Variants in CFAP57 observed in about 807,000 individuals in gnomAD.
CFAP57 encodes the protein cilia and flagella associated protein 57, also known as cilia- and flagella-associated protein 57.
A neutral mutation model predicts 146.8 loss-of-function variants in CFAP57; 116 were observed. That is an observed-to-expected ratio of 0.79 (90% CI 0.68 to 0.92). The LOEUF is 0.92. Ranked by LOEUF, CFAP57 falls within the 40% of genes least tolerant of loss-of-function variation. CFAP57 has a pLI of 0.00. For missense variants in CFAP57, 1,377 were observed against 1,527.2 expected (o/e 0.90, Z 1.64); for synonymous variants, 518 against 552.8 (o/e 0.94, Z 0.88).
intron 6 of CFAP57, among the ~76,000 whole-genome samples, chr1:43,196,117 G>A (rs1015754209): frequency 6.6e-6 from 1 of 152,212 alleles, no homozygotes; most frequent in Non-Finnish European, 1.5e-5. Context: ...ATATGGTAGA[G>A]TTACCAGACA....
At chr1:43,199,271 C>T (rs1644006427) in intron 8 of CFAP57, 119 bp from the exon 9 acceptor site, 4 of 931,950 alleles carry the variant, frequency 4.3e-6, no homozygotes, top group Non-Finnish European at 7.1e-6. Flanking sequence ...CTTCCCCCCA[C>T]TCCCACCCTC....
At position 43,200,284 on chromosome 1, in the gene CFAP57, G is replaced by A. The variant is rs948634557; in HGVS notation, c.1542+781G>A. Among the ~76,000 whole-genome samples the A allele has an allele frequency of 7.2e-5, 11 of 151,984 alleles. No individual in the cohort carries two copies. The East Asian group carries it at 9.7e-4, about 13-fold the overall frequency. On this transcript the variant is annotated intron_variant, in intron 9 of 22. Transcript: ENST00000372492. ...GAGGATCGCTTGCACTCAGGAGTTC[G>A]AGACTAGCCTGGGCAACATAAGGAG... is the stretch of plus-strand genomic sequence containing the variant.
intron 18 of CFAP57, among the ~76,000 whole-genome samples, chr1:43,229,795 T>C (rs1449596091): frequency 7.8e-6 from 1 of 128,514 alleles, no homozygotes; most frequent in East Asian, 2.9e-4. Flanking sequence ...GTAGGATGTT[T>C]AGCAGCGTCC....
chr1:43,237,738 G>A (rs748944481), intron 21 of CFAP57, among the ~76,000 whole-genome samples: 1 of 152,198 alleles, frequency 6.6e-6, no homozygotes, highest in Non-Finnish European at 1.5e-5. Flanking sequence ...AAGAGTCCAC[G>A]AGAAGAGAGT....
chr1:43,188,595 C>G (rs9803810), intron 6 of CFAP57, among the ~76,000 whole-genome samples: 4 of 151,834 alleles, frequency 2.6e-5, no homozygotes, highest in South Asian at 2.1e-4. Context: ...GATTTTTTGC[C>G]CATTTAAAAA....
intron 9 of CFAP57, among the ~76,000 whole-genome samples, chr1:43,205,708 T>TCTGG (rs1644330363): frequency 6.6e-6 from 1 of 152,052 alleles, no homozygotes; most frequent in South Asian, 2.1e-4. Flanking sequence ...GAATAGAGCT[T>TCTGG]CTGCAACATG....
In CFAP57 at chr1:43,186,774, T is replaced by G; in HGVS notation, c.1037T>G (p.Phe346Cys). Residue 346 changes from phenylalanine to cysteine, a missense_variant, in exon 6 of 23, where the codon TTC (phenylalanine) becomes TGC (cysteine). Phe to Cys is a radical substitution (Grantham distance 205). Transcript: ENST00000372492. ...SDKQDVLCLC[F>C]SPSEETLVAS... Reference sequence around the variant, plus strand: ...AAACAGGACGTTCTCTGCCTGTGCTTCAGCCCCTCAGAGGAAACTCTGGTT... The same window carrying G: ...AAACAGGACGTTCTCTGCCTGTGCTGCAGCCCCTCAGAGGAAACTCTGGTT... 6.2e-7 allele frequency: 1 copy of G among 1,614,190 alleles called. No individual in the cohort carries two copies. Among genetic ancestry groups the G allele is most frequent in the Non-Finnish European group, 8.5e-7 (1 of 1,180,040 alleles).
chr1:43,180,260 A>G (rs1051929547), intron 2 of CFAP57, among the ~76,000 whole-genome samples: 1 of 146,890 alleles, frequency 6.8e-6, no homozygotes, highest in African/African-American at 2.5e-5. Flanking sequence ...ACACACATAT[A>G]TTATTTAAAA....
chr1:43,245,787 G>A (rs1432103740), intron 22 of CFAP57, among the ~76,000 whole-genome samples: 2 of 152,110 alleles, frequency 1.3e-5, no homozygotes, highest in Non-Finnish European at 2.9e-5. Context: ...GAACACCAGA[G>A]TATGAGGAAA....
Position 43,226,897 on chromosome 1 carries a change from A to G in CFAP57, c.2866-86A>G, listed in dbSNP as rs1009599549. 7 of 1,388,234 alleles carry G rather than the reference A, an allele frequency of 5.0e-6. No individual in the cohort carries two copies. The African/African-American group carries it at 8.8e-5, about 17-fold the overall frequency. 86.0% of individuals were successfully genotyped at this position (1,388,234 alleles called of 1,614,324 possible). On this transcript the variant is annotated intron_variant, in intron 17 of 22. Coordinates refer to ENST00000372492, the MANE Select transcript of CFAP57 (RefSeq NM_001378189.1). ...GTTGACCTCTTCAACCAGGAGAGTC[A>G]CAGGCTTCGTGCTCTTTTGCCCTAA...
chr1:43,208,288 T>C (rs1644441209), intron 10 of CFAP57, among the ~76,000 whole-genome samples: 1 of 152,172 alleles, frequency 6.6e-6, no homozygotes. Context: ...GACCCAGCCA[T>C]CCCATTACTG....
rs1052580493 is a variant in CFAP57, at chr1:43,213,509, G to A, written c.1930-1746G>A. ...ATTGGTGGTACAATAAATATGGGGG[G>A]GGCGGTGGAGCGCAGGTATCCTTTC... On this transcript the variant is annotated intron_variant, in intron 11 of 22. Transcript: ENST00000372492. Among the ~76,000 whole-genome samples, 117 of 107,904 alleles carry A rather than the reference G, an allele frequency of 1.1e-3. 1 individual carries two copies. Among genetic ancestry groups the A allele is most frequent in the Middle Eastern group, 4.8e-3 (1 of 208 alleles). The allele number at this position is 107,904 out of a possible 152,430, so 70.8% of individuals were successfully genotyped here. A position where few individuals can be genotyped will look rare whatever the true frequency, so the allele number is the denominator to read the frequency against.
At chr1:43,188,069 G>T (rs904090140) in intron 6 of CFAP57, among the ~76,000 whole-genome samples, 15 of 152,134 alleles carry the variant, frequency 9.9e-5, no homozygotes, top group South Asian at 6.2e-4. Flanking sequence ...CTCCCAAAGT[G>T]TTGGGATTAC....
At chr1:43,190,853 C>T (rs1378005596) in intron 6 of CFAP57, among the ~76,000 whole-genome samples, 1 of 152,114 alleles carries the variant, frequency 6.6e-6, no homozygotes, top group Non-Finnish European at 1.5e-5. Flanking sequence ...AGTATATAAT[C>T]ATTTTCATAT....
At chr1:43,229,936 T>G (rs4660722) in intron 18 of CFAP57, among the ~76,000 whole-genome samples, 5,503 of 152,244 alleles carry the variant, frequency 0.036, 133 homozygotes, top group Admixed American at 0.045. Flanking sequence ...TGAGCCCCAT[T>G]GAGAATCTCT....
chr1:43,181,946 T>A, intron 3 of CFAP57, 96 bp downstream of exon 3: 1 of 1,389,226 alleles, frequency 7.2e-7, no homozygotes, highest in Non-Finnish European at 1.0e-6. Flanking sequence ...ATTTCCTCCA[T>A]GCATTTTAAA....
At chr1:43,219,299 G>T in intron 12 of CFAP57, 83 bp from the exon 13 acceptor site, 1 of 1,401,348 alleles carries the variant, frequency 7.1e-7, no homozygotes, top group Non-Finnish European at 9.5e-7. Context: ...AGAGCTGCAG[G>T]TCTCAGGTCA....
intron 18 of CFAP57, among the ~76,000 whole-genome samples, chr1:43,227,477 T>C (rs1469029405): frequency 6.6e-6 from 1 of 152,206 alleles, no homozygotes; most frequent in African/African-American, 2.4e-5. Flanking sequence ...AGGCTATCCT[T>C]CTAGTTCAGC....
chr1:43,186,617 A>T, intron 5 of CFAP57, 90 bp from the exon 6 acceptor site: 1 of 935,612 alleles, frequency 1.1e-6, no homozygotes, highest in Non-Finnish European at 1.4e-6. Context: ...TCTCAAAAAA[A>T]AAAAAAAAAA....
Sources: allele counts gnomAD v4.1 joint callset (sites outside exome capture counted in the v4.1 genomes callset), GRCh38; gene constraint gnomAD v4.1.1; transcripts MANE v1.5; gene names NCBI Gene and HGNC (gene_info 2026-07-23, HGNC 2026-07-21).